Variants in ZNF764 observed in about 807,000 individuals in gnomAD.
ZNF764 encodes the protein zinc finger protein 764.
A neutral mutation model predicts 13.9 loss-of-function variants in ZNF764; 10 were observed. The observed-to-expected ratio is 0.72, with a 90% CI of 0.44 to 1.22. The LOEUF (loss-of-function observed/expected upper bound fraction) is 1.22. ZNF764 is among the 50% of genes most tolerant of loss of function. ZNF764 has a pLI of 0.00. For synonymous variants in ZNF764, 313 were observed against 255.1 expected, an observed-to-expected ratio of 1.23 and a Z score of -2.16; for missense variants, 647 against 589.7, an observed-to-expected ratio of 1.10 and a Z score of -1.01.
In ZNF764 at chr16:30,558,330, G is replaced by A. The variant is rs2051576729; in HGVS notation, c.-148C>T. On this transcript the variant is annotated 5_prime_UTR_variant, in exon 1 of 3. The change creates a new upstream start codon in the 5' untranslated region. Coordinates refer to ENST00000395091, the MANE Select transcript of ZNF764 (RefSeq NM_001172679.2). ...GGCCCCCGAGGGCGCACTAGAGGGC[G>A]TGGAAACTAACGGTGCCGATGGCAG... 3 of 887,046 alleles carry A rather than the reference G, an allele frequency of 3.4e-6. No homozygotes were observed. The highest frequency in any genetic ancestry group is 5.0e-6 in the Non-Finnish European group (3 of 600,558). The allele number at this position is 887,046 out of a possible 1,614,324, so 54.9% of individuals were successfully genotyped here.
In ZNF764 at chr16:30,558,356, C is replaced by G; in HGVS notation, c.-174G>C. ...TGGAAACTAACGGTGCCGATGGCAGCGGGTGTATAATCAGAAATGGAATAT... is the reference window on the plus strand; with the variant it reads ...TGGAAACTAACGGTGCCGATGGCAGGGGGTGTATAATCAGAAATGGAATAT... On this transcript the variant is annotated 5_prime_UTR_variant, in exon 1 of 3. Coordinates refer to ENST00000395091, the MANE Select transcript of ZNF764 (RefSeq NM_001172679.2). 1 of 704,594 alleles carries G rather than the reference C, an allele frequency of 1.4e-6. No homozygotes were observed. Among genetic ancestry groups the G allele is most frequent in the Admixed American group, 3.0e-5 (1 of 33,666 alleles). 43.6% of individuals were successfully genotyped at this position (704,594 alleles called of 1,614,324 possible). A position where few individuals can be genotyped will look rare whatever the true frequency, so the allele number is the denominator to read the frequency against.
chr16:30,557,877 C>T (rs1473686362), intron 1 of ZNF764, 31 bp from the exon 2 acceptor site: 9 of 1,581,322 alleles, frequency 5.7e-6, no homozygotes, highest in Non-Finnish European at 6.9e-6. Flanking sequence ...CCCCACGCTG[C>T]GGGGAGGCCA....
intron 2 of ZNF764, among the ~76,000 whole-genome samples, chr16:30,556,401 A>G (rs2051556956): frequency 6.6e-6 from 1 of 152,148 alleles, no homozygotes; most frequent in Non-Finnish European, 1.5e-5. Flanking sequence ...CAGCAGGAAC[A>G]GCACCAAGAA....
Position 30,557,771 on chromosome 16 carries a change from T to A in ZNF764, c.272A>T (p.Asp91Val). 1 of 1,613,544 alleles carries A rather than the reference T, an allele frequency of 6.2e-7. No homozygotes were observed. Among genetic ancestry groups the A allele is most frequent in the Non-Finnish European group, 8.5e-7 (1 of 1,179,746 alleles). ...TGTCTGACATTTCGCCACCTCCGGA[T>A]CCTGGGCAGCCGGACCCCACAGTTC... ...EAELWGPAAQ[D>V]PEVAKCQTQT... Residue 91 changes from aspartate to valine, a missense_variant, in exon 2 of 3, where the codon GAT becomes GTT. By Grantham distance (152) the Asp-to-Val change is radical. Transcript: ENST00000395091.
At position 30,555,582 on chromosome 16, in the gene ZNF764, A is replaced by G. The variant is rs2151225113; in HGVS notation, c.836T>C (p.Val279Ala). Residue 279 changes from valine to alanine, a missense_variant, in exon 3 of 3, where the codon GTG becomes GCG. Coordinates refer to ENST00000395091, the MANE Select transcript of ZNF764 (RefSeq NM_001172679.2). ...GGGGAAGGGGGTCTCGCCGCTGTGC[A>G]CGCGCCGGTGCTGGTAGAGGGCAGA... ...QSSALYQHRR[V>A]HSGETPFPCP... 1.3e-6 allele frequency: 2 copies of G among 1,539,818 alleles called. No individual in the cohort carries two copies. Among genetic ancestry groups the G allele is most frequent in the Non-Finnish European group, 1.7e-6 (2 of 1,148,196 alleles).
Position 30,556,053 on chromosome 16 carries a change from T to A in ZNF764, c.365A>T (p.Lys122Met). Residue 122 changes from lysine to methionine, a missense_variant, in exon 3 of 3, where the codon AAG (lysine) becomes ATG (methionine). Physicochemically the swap from Lys to Met is moderately conservative, Grantham distance 95. Coordinates refer to ENST00000395091, the MANE Select transcript of ZNF764 (RefSeq NM_001172679.2). ...RQREGTGALE[K>M]PDPVAAGSPG... ...AGACCCGGCGGCCACAGGGTCGGGC[T>A]TCTCCAGGGCTCCCGTCCCTTCCCT... 6.2e-7 allele frequency: 1 copy of A among 1,612,774 alleles called. No individual in the cohort carries two copies. Among genetic ancestry groups the A allele is most frequent in the South Asian group, 1.1e-5 (1 of 91,036 alleles).
rs182490490 is a variant in ZNF764, at chr16:30,555,289, C to T, written c.1129G>A (p.Gly377Arg). ...GGGGTCAGGGTCACAGACAGACGCC[C>T]GGCGACCCGGCCCCTGTGGCCCCCG... ...GAGGHRGRVA[G>R]RLSVTLTPGH... The change falls in exon 3 of 3, where the codon GGG becomes AGG. Residue 377 changes from glycine (G) to arginine (R), a missense_variant. Coordinates refer to ENST00000395091, the MANE Select transcript of ZNF764 (RefSeq NM_001172679.2). 2 of 1,611,806 alleles carry T rather than the reference C, an allele frequency of 1.2e-6. No individual in the cohort carries two copies. The highest frequency in any genetic ancestry group is 1.3e-5 in the African/African-American group (1 of 75,022).
chr16:30,555,416 GCGC>G lies in ZNF764; in HGVS notation c.999_1001del (p.Arg333_Arg334delinsSer). On this transcript the variant is annotated inframe_deletion, in exon 3 of 3. Coordinates refer to ENST00000395091, the MANE Select transcript of ZNF764 (RefSeq NM_001172679.2). ...GGTAGGGCTTCTCGCCGCTGTGGGT[GCGC>G]CTGTGGGCTGCCATCTCCGAGCTCT... 1 of 1,560,902 alleles carries G rather than the reference GCGC, an allele frequency of 6.4e-7. No individual in the cohort carries two copies. Among genetic ancestry groups the G allele is most frequent in the Non-Finnish European group, 8.7e-7 (1 of 1,149,140 alleles).
chr16:30,556,263 C>T (rs2051555898), intron 2 of ZNF764, among the ~76,000 whole-genome samples, 156 bp from the exon 3 acceptor site: 1 of 151,908 alleles, frequency 6.6e-6, no homozygotes, highest in South Asian at 2.1e-4. Flanking sequence ...CCAGACAGAG[C>T]CGGGAGGGAG....
In ZNF764 at chr16:30,556,124, AG is replaced by A; in HGVS notation, c.311-18del. The stretch of plus-strand genomic sequence containing the variant: ...TTCTGGAATCTGCTGAGAGATAAAG[AG>A]GGGAGAGTTCAGGCTCGGCTCATCC... On this transcript the variant is annotated intron_variant, in intron 2 of 2. Transcript: ENST00000395091. The A allele has an allele frequency of 3.1e-6, 5 of 1,609,126 alleles. No individual in the cohort carries two copies. The highest frequency in any genetic ancestry group is 4.2e-6 in the Non-Finnish European group (5 of 1,179,950).
rs1365980765 is a variant in ZNF764 at position 30,555,231 on chromosome 16, A to G, written c.1187T>C (p.Phe396Ser). Residue 396 changes from phenylalanine to serine, a missense_variant, in exon 3 of 3, where the codon TTC becomes TCC. Transcript: ENST00000395091. Reference sequence around the variant, plus strand: ...CTGGAATATCTCCGGGTACAGCTGGAAGCCCACGGGCGGGTCCAGGTCTCC... The same window carrying G: ...CTGGAATATCTCCGGGTACAGCTGGGAGCCCACGGGCGGGTCCAGGTCTCC... ...GHGDLDPPVG[F>S]QLYPEIFQEC... 1 of 1,611,610 alleles carries G rather than the reference A, an allele frequency of 6.2e-7. No homozygotes were observed. The highest frequency in any genetic ancestry group is 1.7e-5 in the Admixed American group (1 of 59,474).
At position 30,555,172 on chromosome 16, in the gene ZNF764, T is replaced by C; in HGVS notation, c.*22A>G. 6.3e-7 allele frequency: 1 copy of C among 1,589,384 alleles called. No homozygotes were observed. The highest frequency in any genetic ancestry group is 8.6e-7 in the Non-Finnish European group (1 of 1,168,524). On this transcript the variant is annotated 3_prime_UTR_variant, in exon 3 of 3. Coordinates refer to ENST00000395091, the MANE Select transcript of ZNF764 (RefSeq NM_001172679.2). The stretch of plus-strand genomic sequence containing the variant: ...CCCATCTCGGGCCTCCCGTAATGTC[T>C]AGATAGTCACTTTTAAGGCCGTCAC...
intron 2 of ZNF764, 36 bp downstream of exon 2, chr16:30,557,697 A>G: frequency 3.1e-6 from 5 of 1,611,176 alleles, no homozygotes; most frequent in Non-Finnish European, 4.2e-6. Context: ...ACAGGAACAG[A>G]GAAGTCCCCA....
At position 30,555,357 on chromosome 16, in the gene ZNF764, T is replaced by G. The variant is rs1376227452; in HGVS notation, c.1061A>C (p.Lys354Thr). 6.2e-7 allele frequency: 1 copy of G among 1,604,706 alleles called. No homozygotes were observed. Among genetic ancestry groups the G allele is most frequent in the African/African-American group, 1.3e-5 (1 of 74,662 alleles). Residue 354 changes from lysine (K) to threonine (T), a missense_variant, in exon 3 of 3, where the codon AAG (lysine) becomes ACG (threonine). By Grantham distance (78) the Lys-to-Thr change is moderately conservative (BLOSUM62 -1). Transcript: ENST00000395091. The part of the protein sequence containing the change: ...CPQCGRRFGQ[K>T]SAVAKHQWVH... ...CCACTGGTGTTTGGCCACGGCTGAC[T>G]TCTGGCCAAAGCGGCGGCCGCACTG...
At chr16:30,557,592 G>A (rs1162016617) in intron 2 of ZNF764, 141 bp downstream of exon 2, 4 of 1,266,376 alleles carry the variant, frequency 3.2e-6, no homozygotes, top group South Asian at 1.5e-5. Context: ...TGGGAGCCAC[G>A]CAGGGGCTCA....
rs562126497 is a variant in ZNF764 at position 30,558,198 on chromosome 16, C to G, written c.-16G>C. ...GCGGCGCCATGGTAACTGTCAACCCCGACGACGGATCGGCTGCCTCCCCTG... is the reference window on the plus strand; with the variant it reads ...GCGGCGCCATGGTAACTGTCAACCCGGACGACGGATCGGCTGCCTCCCCTG... On this transcript the variant is annotated 5_prime_UTR_variant, in exon 1 of 3. Coordinates refer to ENST00000395091, the MANE Select transcript of ZNF764 (RefSeq NM_001172679.2). 2.6e-6 allele frequency: 4 copies of G among 1,561,162 alleles called. No homozygotes were observed. The South Asian group carries it at 4.6e-5, about 18-fold the overall frequency.
chr16:30,556,386 C>T (rs2051556897), intron 2 of ZNF764, among the ~76,000 whole-genome samples: 2 of 152,008 alleles, frequency 1.3e-5, no homozygotes, highest in Admixed American at 1.3e-4. Context: ...TGAGGATGTT[C>T]CAGGCAGCAG....
At chr16:30,557,492 C>G (rs1010038336) in intron 2 of ZNF764, among the ~76,000 whole-genome samples, 1 of 152,132 alleles carries the variant, frequency 6.6e-6, no homozygotes, top group Non-Finnish European at 1.5e-5. Flanking sequence ...AAAAAAGCCC[C>G]CAGAGTGTAG....
In ZNF764 at chr16:30,558,328, G is replaced by A. The variant is rs2151226685; in HGVS notation, c.-146C>T. 4 of 893,286 alleles carry A rather than the reference G, an allele frequency of 4.5e-6. No individual in the cohort carries two copies. In the South Asian group the frequency reaches 7.2e-5, roughly 16 times the overall value. The allele number at this position is 893,286 out of a possible 1,614,324, so 55.3% of individuals were successfully genotyped here. A position where few individuals can be genotyped will look rare whatever the true frequency, so the allele number is the denominator to read the frequency against. ...AGGGCCCCCGAGGGCGCACTAGAGGGCGTGGAAACTAACGGTGCCGATGGC... is the reference window on the plus strand; with the variant it reads ...AGGGCCCCCGAGGGCGCACTAGAGGACGTGGAAACTAACGGTGCCGATGGC... On this transcript the variant is annotated 5_prime_UTR_variant, in exon 1 of 3. Transcript: ENST00000395091.
Sources: gnomAD v4.1 joint callset for allele counts (sites outside exome capture counted in the v4.1 genomes callset) on GRCh38, gnomAD v4.1.1 for gene constraint, MANE v1.5 for transcripts, NCBI Gene and HGNC (gene_info 2026-07-23, HGNC 2026-07-21) for gene names.